OXR1: variants seen among roughly 807,000 people sequenced by gnomAD.
OXR1 encodes oxidation resistance 1.
Under a neutral mutation model 104.6 loss-of-function variants are expected in OXR1, and 41 were observed. That is an observed-to-expected ratio of 0.39 (90% CI 0.31 to 0.51). OXR1 has a LOEUF of 0.51. Among genes scored for constraint, OXR1 ranks in the 20% least tolerant of loss-of-function variants. OXR1 has a pLI of 0.77. For synonymous variants in OXR1, 348 were observed against 348.4 expected (o/e 1.00, Z 0.01); for missense variants, 955 against 1,031.9 (o/e 0.93, Z 1.02).
intron 3 of OXR1, among the ~76,000 whole-genome samples, chr8:106,635,911 TAAAA>T (rs1179566750): frequency 6.6e-6 from 1 of 152,180 alleles, no homozygotes; most frequent in African/African-American, 2.4e-5. Flanking sequence ...CCAGAAGACT[TAAAA>T]AACTTTCAAG....
chr8:106,365,880 A>G (rs967179052), intron 2 of OXR1, among the ~76,000 whole-genome samples: 6 of 152,196 alleles, frequency 3.9e-5, no homozygotes, highest in Non-Finnish European at 8.8e-5. Context: ...CATAAATCAC[A>G]TCCTTGAAAG....
intron 1 of OXR1, among the ~76,000 whole-genome samples, chr8:106,271,509 G>A (rs1466912326): frequency 2.0e-5 from 3 of 152,106 alleles, no homozygotes; most frequent in Non-Finnish European, 2.9e-5. Context: ...AAGTCAGGCA[G>A]AAGTCTGCAG....
intron 3 of OXR1, among the ~76,000 whole-genome samples, chr8:106,590,328 C>T (rs1291661145): frequency 1.3e-5 from 2 of 152,182 alleles, no homozygotes; most frequent in African/African-American, 4.8e-5. Context: ...CGCTCTGTCG[C>T]CCAGGCTGGA....
At chr8:106,677,623 A>T (rs540076951) in intron 3 of OXR1, among the ~76,000 whole-genome samples, 32 of 152,178 alleles carry the variant, frequency 2.1e-4, no homozygotes, top group African/African-American at 6.7e-4. Flanking sequence ...ATGTTTAAGG[A>T]CATTTTTACA....
At chr8:106,686,958 G>A (rs1828796566) in intron 6 of OXR1, among the ~76,000 whole-genome samples, 1 of 152,100 alleles carries the variant, frequency 6.6e-6, no homozygotes, top group Non-Finnish European at 1.5e-5. Flanking sequence ...ATTGCAACAG[G>A]TATAATTCTA....
At chr8:106,699,042 G>A (rs1251264209) in intron 7 of OXR1, among the ~76,000 whole-genome samples, 1 of 152,004 alleles carries the variant, frequency 6.6e-6, no homozygotes. Flanking sequence ...TTTCTTTGAT[G>A]ATCACTTGGT....
At chr8:106,420,899 C>A (rs1818878055) in intron 2 of OXR1, among the ~76,000 whole-genome samples, 1 of 151,908 alleles carries the variant, frequency 6.6e-6, no homozygotes, top group African/African-American at 2.4e-5. Context: ...AATGAAGACC[C>A]ACACTATAAG....
rs146945966 is a variant in OXR1 at position 106,521,163 on chromosome 8, C to T, written c.220+2024C>T. 6.9e-3 allele frequency among the ~76,000 whole-genome samples: 1,046 copies of T among 152,136 alleles called. 10 individuals carry two copies. The highest frequency in any genetic ancestry group is 0.022 in the African/African-American group (919 of 41,494). On this transcript the variant is annotated intron_variant, in intron 3 of 16. Coordinates refer to ENST00000517566, the MANE Select transcript of OXR1 (RefSeq NM_001198533.2). ...TTTTCAAGGCTAACATATTAGCAAC[C>T]GTATAATCACCGGTATTGAAAGTTC...
chr8:106,345,793 T>G (rs1463115985), intron 1 of OXR1, among the ~76,000 whole-genome samples: 2 of 152,192 alleles, frequency 1.3e-5, no homozygotes, highest in East Asian at 3.8e-4. Flanking sequence ...GATTATTGGT[T>G]TTTTGAAAGC....
At chr8:106,442,043 T>TG (rs538700589) in intron 2 of OXR1, among the ~76,000 whole-genome samples, 289 of 152,346 alleles carry the variant, frequency 1.9e-3, no homozygotes, top group African/African-American at 6.4e-3. Context: ...TGATATTGGC[T>TG]GTGTGTTTGT....
At chr8:106,383,896 C>G (rs1256799685) in intron 2 of OXR1, among the ~76,000 whole-genome samples, 1 of 152,120 alleles carries the variant, frequency 6.6e-6, no homozygotes, top group African/African-American at 2.4e-5. Flanking sequence ...AATAGCAACT[C>G]CTCAGGAAAA....
chr8:106,657,980 C>T (rs1825307026), intron 3 of OXR1: 2 of 1,248,486 alleles, frequency 1.6e-6, no homozygotes, highest in Non-Finnish European at 2.0e-6. Flanking sequence ...TCCAGCCCCG[C>T]GGCAGCATGG....
intron 1 of OXR1, among the ~76,000 whole-genome samples, chr8:106,291,624 C>T (rs1179544894): frequency 6.6e-6 from 1 of 152,156 alleles, no homozygotes; most frequent in African/African-American, 2.4e-5. Flanking sequence ...ACATAAATTT[C>T]ATTAGTTTCA....
At chr8:106,715,509 T>C (rs1832153087) in intron 11 of OXR1, among the ~76,000 whole-genome samples, 1 of 151,322 alleles carries the variant, frequency 6.6e-6, no homozygotes, top group Non-Finnish European at 1.5e-5. Context: ...TAGAAGGTAC[T>C]TAAAATAGCC....
chr8:106,457,086 T>G (rs912865466), intron 2 of OXR1, among the ~76,000 whole-genome samples: 1 of 152,198 alleles, frequency 6.6e-6, no homozygotes, highest in African/African-American at 2.4e-5. Flanking sequence ...TAAAGACATT[T>G]GATAAATACC....
intron 3 of OXR1, among the ~76,000 whole-genome samples, chr8:106,543,220 A>G (rs1310836273): frequency 6.6e-6 from 1 of 152,140 alleles, no homozygotes; most frequent in Non-Finnish European, 1.5e-5. Flanking sequence ...GCTTTGAATT[A>G]ATTTAACTAG....
intron 2 of OXR1, among the ~76,000 whole-genome samples, chr8:106,381,030 C>T (rs1030789200): frequency 3.3e-5 from 5 of 152,204 alleles, no homozygotes; most frequent in African/African-American, 1.2e-4. Flanking sequence ...CCAAATCTAC[C>T]TATTATATAT....
intron 1 of OXR1, among the ~76,000 whole-genome samples, chr8:106,282,834 C>A (rs1361677705): frequency 6.6e-6 from 1 of 152,086 alleles, no homozygotes; most frequent in African/African-American, 2.4e-5. Flanking sequence ...GTCCAAGGGT[C>A]AACTGTATTA....
chr8:106,396,692 GTAAT>G lies in OXR1; in HGVS notation c.23+37058_23+37061del, dbSNP rs945918603. Reference sequence around the variant, plus strand: ...TAGTTTTTATTAGGTTGGTGCAAAAGTAATTGTGCTTTTTGCCATTACTTTTAAT... The same window carrying G: ...TAGTTTTTATTAGGTTGGTGCAAAAGTGTGCTTTTTGCCATTACTTTTAAT... On this transcript the variant is annotated intron_variant, in intron 2 of 16. Coordinates refer to ENST00000517566, the MANE Select transcript of OXR1 (RefSeq NM_001198533.2). Among the ~76,000 whole-genome samples, 34 of 152,022 alleles carry G rather than the reference GTAAT, an allele frequency of 2.2e-4. No individual in the cohort carries two copies. The South Asian group carries it at 5.8e-3, about 26-fold the overall frequency.
Sources: gnomAD v4.1 joint callset for allele counts (sites outside exome capture counted in the v4.1 genomes callset) on GRCh38, gnomAD v4.1.1 for gene constraint, MANE v1.5 for transcripts, NCBI Gene and HGNC (gene_info 2026-07-23, HGNC 2026-07-21) for gene names.